RSF1: variants seen among roughly 807,000 people sequenced by gnomAD.
The protein encoded by RSF1 is HBV pX-associated protein 8.
RSF1 carries 13 observed loss-of-function variants against 145.2 expected under a neutral mutation model. That is an observed-to-expected ratio of 0.09 (90% CI 0.06 to 0.14). RSF1 has a LOEUF of 0.14. Ranked by LOEUF, RSF1 falls within the 10% of genes least tolerant of loss-of-function variation. RSF1 has a pLI of 1.00. For missense variants in RSF1, 1,517 were observed against 1,718.2 expected (o/e 0.88, Z 2.07); for synonymous variants, 577 against 592.6 (o/e 0.97, Z 0.38).
At chr11:77,773,593 T>C (rs1283081149) in intron 1 of RSF1, among the ~76,000 whole-genome samples, 1 of 152,190 alleles carries the variant, frequency 6.6e-6, no homozygotes, top group African/African-American at 2.4e-5. Context: ...AATTTAAAAT[T>C]AAATTATACT....
rs144937597 is a variant in RSF1, at chr11:77,665,799, C to G, written c.*1118G>C. The G allele has an allele frequency of 6.6e-6, 1 of 151,986 alleles. No individual in the cohort carries two copies. The highest frequency in any genetic ancestry group is 2.4e-5 in the African/African-American group (1 of 41,336). 9.4% of individuals were successfully genotyped at this position (151,986 alleles called of 1,614,324 possible). Reference sequence around the variant, plus strand: ...ACGCACACACACAAACACACACACACGCTAAAACTCAAACTAAAAACCTCC... The same window carrying G: ...ACGCACACACACAAACACACACACAGGCTAAAACTCAAACTAAAAACCTCC... On this transcript the variant is annotated 3_prime_UTR_variant, in exon 16 of 16. Coordinates refer to ENST00000308488, the MANE Select transcript of RSF1 (RefSeq NM_016578.4).
chr11:77,709,993 T>C (rs1382948808), intron 5 of RSF1, among the ~76,000 whole-genome samples: 1 of 152,212 alleles, frequency 6.6e-6, no homozygotes, highest in East Asian at 1.9e-4. Context: ...TTTTTAATGA[T>C]TAAGTATAGC....
the RSF1 span, among the ~76,000 whole-genome samples, chr11:77,829,418 G>T: frequency 6.6e-6 from 1 of 152,136 alleles, no homozygotes; most frequent in Non-Finnish European, 1.5e-5. Flanking sequence ...AGCCATTTGG[G>T]TCAATGGAAC....
intron 1 of RSF1, chr11:77,813,316 G>A (rs1948748379): frequency 1.3e-6 from 1 of 794,978 alleles, no homozygotes; most frequent in Non-Finnish European, 2.2e-6. Flanking sequence ...TAAAATAGTT[G>A]ACTTAAGCAT....
the RSF1 span, among the ~76,000 whole-genome samples, chr11:77,863,287 A>G: frequency 6.6e-5 from 10 of 152,192 alleles, no homozygotes; most frequent in Admixed American, 6.5e-5. Context: ...TCAGGAGCAC[A>G]GCAGACACCC....
rs553229319 is a variant in RSF1 at position 77,719,332 on chromosome 11, A to G, written c.733+6213T>C. Among the ~76,000 whole-genome samples the G allele has an allele frequency of 3.3e-5, 5 of 152,336 alleles. No homozygotes were observed. In the East Asian group the frequency reaches 7.7e-4, roughly 23 times the overall value. On this transcript the variant is annotated intron_variant, in intron 5 of 15. Transcript: ENST00000308488. ...TCTGAAATAATTCTTGGTCTTTGTT[A>G]TTCCAAAATTGATAAAGACATGAAT...
chr11:77,699,585 C>G (rs1314138238), intron 6 of RSF1, among the ~76,000 whole-genome samples: 1 of 152,074 alleles, frequency 6.6e-6, no homozygotes, highest in East Asian at 1.9e-4. Context: ...ATAACAGGGT[C>G]ATAGTTATGA....
intron 15 of RSF1, among the ~76,000 whole-genome samples, chr11:77,670,699 T>C (rs1306295245): frequency 6.6e-6 from 1 of 152,202 alleles, no homozygotes; most frequent in South Asian, 2.1e-4. Flanking sequence ...TCGAAAAAGA[T>C]GTTCACTTCC....
At chr11:77,821,674 G>A (rs892917348), upstream of RSF1, among the ~76,000 whole-genome samples, 7 of 152,014 alleles carry the variant, frequency 4.6e-5, no homozygotes, top group African/African-American at 1.7e-4. Flanking sequence ...AACATGACAG[G>A]AGACGGTGGA....
chr11:77,669,902 G>C (rs187883108), intron 15 of RSF1, among the ~76,000 whole-genome samples: 1 of 152,158 alleles, frequency 6.6e-6, no homozygotes, highest in South Asian at 2.1e-4. Flanking sequence ...CCAAGGTAGG[G>C]GGGATCACTT....
intron 12 of RSF1, 47 bp from the exon 13 acceptor site, chr11:77,677,046 T>C: frequency 2.1e-6 from 3 of 1,422,092 alleles, no homozygotes; most frequent in South Asian, 1.2e-5. Flanking sequence ...TATGTGTTTA[T>C]TAAAAGCTTC....
At chr11:77,725,375 A>C (rs1961029105) in intron 5 of RSF1, among the ~76,000 whole-genome samples, 170 bp downstream of exon 5, 1 of 152,220 alleles carries the variant, frequency 6.6e-6, no homozygotes, top group Non-Finnish European at 1.5e-5. Flanking sequence ...CAACATATTT[A>C]ATATTTTTGG....
chr11:77,799,603 C>T (rs1419302580), intron 1 of RSF1, among the ~76,000 whole-genome samples: 1 of 151,616 alleles, frequency 6.6e-6, no homozygotes, highest in Non-Finnish European at 1.5e-5. Flanking sequence ...AGAAGGAAAT[C>T]TTGTCCTTTC....
the RSF1 span, among the ~76,000 whole-genome samples, chr11:77,854,882 C>A: frequency 6.6e-6 from 1 of 152,246 alleles, no homozygotes; most frequent in Non-Finnish European, 1.5e-5. Flanking sequence ...GCACCCCCAG[C>A]AGACTTCTGC....
intron 1 of RSF1, among the ~76,000 whole-genome samples, chr11:77,785,718 G>T (rs142485216): frequency 6.6e-6 from 1 of 151,486 alleles, no homozygotes; most frequent in African/African-American, 2.4e-5. Context: ...CTGGGAGGCC[G>T]AGGCAGGTGG....
intron 5 of RSF1, among the ~76,000 whole-genome samples, chr11:77,716,074 C>G (rs1412570203): frequency 6.6e-6 from 1 of 151,984 alleles, no homozygotes; most frequent in East Asian, 1.9e-4. Flanking sequence ...GAGTTATCAC[C>G]TAACGCCTGT....
intron 2 of RSF1, among the ~76,000 whole-genome samples, chr11:77,761,816 T>C (rs1044515919): frequency 6.8e-6 from 1 of 146,060 alleles, no homozygotes; most frequent in Admixed American, 7.3e-5. Context: ...TAGTTTAAAT[T>C]TCCATTCGGT....
At chr11:77,680,563 C>A (rs954453305) in intron 11 of RSF1, among the ~76,000 whole-genome samples, 1 of 152,136 alleles carries the variant, frequency 6.6e-6, no homozygotes, top group Non-Finnish European at 1.5e-5. Context: ...CCAGTCTAGG[C>A]AACATAACAA....
chr11:77,776,736 G>A (rs1175554218), intron 1 of RSF1, among the ~76,000 whole-genome samples: 1 of 152,122 alleles, frequency 6.6e-6, no homozygotes, highest in East Asian at 1.9e-4. Flanking sequence ...GCAAACTAGA[G>A]TATCTGAATA....
Sources: gnomAD v4.1 joint callset for allele counts (sites outside exome capture counted in the v4.1 genomes callset) on GRCh38, gnomAD v4.1.1 for gene constraint, MANE v1.5 for transcripts, NCBI Gene and HGNC (gene_info 2026-07-23, HGNC 2026-07-21) for gene names.